ARHGAP19: variants seen among roughly 807,000 people sequenced by gnomAD.
ARHGAP19 encodes the protein Rho GTPase activating protein 19, also known as rho GTPase-activating protein 19.
A neutral mutation model predicts 60.9 loss-of-function variants in ARHGAP19; 48 were observed. That is an observed-to-expected ratio of 0.79 (90% CI 0.62 to 1.00). ARHGAP19 has a LOEUF of 1.00. Among genes scored for constraint, ARHGAP19 ranks in the 50% least tolerant of loss-of-function variants. The pLI is 0.00. For missense variants in ARHGAP19, 562 were observed against 597.2 expected (o/e 0.94, Z 0.61); for synonymous variants, 209 against 215.5 (o/e 0.97, Z 0.27).
chr10:97,270,702 C>A, intron 1 of ARHGAP19: 1 of 1,538,572 alleles, frequency 6.5e-7, no homozygotes, highest in South Asian at 1.2e-5. Context: ...TCTCCTTTCC[C>A]TGCCCCAGCA....
rs756229735 is a variant in ARHGAP19, at chr10:97,265,996, GACC to G, written c.183_185del (p.Val62del). 6 of 1,613,992 alleles carry G rather than the reference GACC, an allele frequency of 3.7e-6. No homozygotes were observed. The highest frequency in any genetic ancestry group is 5.1e-6 in the Non-Finnish European group (6 of 1,180,054). ...AATCGATGAGCCTTGTGATATTGCT[GACC>G]ACCAACTCAGTGAAAATCTCAGGTT... On this transcript the variant is annotated inframe_deletion, in exon 2 of 12. Coordinates refer to ENST00000358531, the MANE Select transcript of ARHGAP19 (RefSeq NM_032900.6).
chr10:97,256,488 T>C (rs1377006203), intron 5 of ARHGAP19, 84 bp from the exon 6 acceptor site: 2 of 1,021,298 alleles, frequency 2.0e-6, no homozygotes, highest in Non-Finnish European at 3.0e-6. Context: ...TTCAAATGTA[T>C]GAAGTTTCTA....
intron 4 of ARHGAP19, among the ~76,000 whole-genome samples, chr10:97,262,198 T>A (rs139678109): frequency 2.3e-4 from 2 of 8,648 alleles, no homozygotes; most frequent in African/African-American, 5.5e-4. Context: ...AAAAAAAAAA[T>A]TTTTTTTTTT....
intron 1 of ARHGAP19, among the ~76,000 whole-genome samples, chr10:97,266,720 CA>C (rs1842903222): frequency 6.6e-6 from 1 of 152,108 alleles, no homozygotes; most frequent in Non-Finnish European, 1.5e-5. Flanking sequence ...GAAAGAGGAA[CA>C]AAGGCACATC....
chr10:97,250,986 C>T (rs1418219941), intron 6 of ARHGAP19, among the ~76,000 whole-genome samples: 2 of 151,128 alleles, frequency 1.3e-5, no homozygotes, highest in Non-Finnish European at 1.5e-5. Context: ...TCGCTTGAGC[C>T]TGGGAAGTCA....
chr10:97,286,826 T>C (rs1317878197), intron 1 of ARHGAP19, among the ~76,000 whole-genome samples: 2 of 152,272 alleles, frequency 1.3e-5, no homozygotes, highest in African/African-American at 4.8e-5. Context: ...CGTATTTCCC[T>C]ACTGCCAATT....
chr10:97,253,766 C>G (rs535252614), intron 6 of ARHGAP19, among the ~76,000 whole-genome samples: 60 of 152,166 alleles, frequency 3.9e-4, no homozygotes, highest in South Asian at 2.1e-4. Flanking sequence ...TAAATATGTA[C>G]AAATATTATG....
intron 5 of ARHGAP19, among the ~76,000 whole-genome samples, chr10:97,259,199 A>G (rs979411489): frequency 1.3e-5 from 2 of 152,228 alleles, no homozygotes; most frequent in African/African-American, 2.4e-5. Flanking sequence ...TAGGTTTACC[A>G]GAGATTGATT....
chr10:97,257,550 C>T (rs1842772942), intron 5 of ARHGAP19, among the ~76,000 whole-genome samples: 1 of 152,140 alleles, frequency 6.6e-6, no homozygotes, highest in Admixed American at 6.5e-5. Flanking sequence ...AAGCAGTCCT[C>T]CTACCTCAGC....
intron 5 of ARHGAP19, among the ~76,000 whole-genome samples, chr10:97,259,142 A>G (rs1455549080): frequency 6.6e-6 from 1 of 152,234 alleles, no homozygotes; most frequent in African/African-American, 2.4e-5. Context: ...TAGTTTATTC[A>G]GTAGTTATAA....
intron 9 of ARHGAP19, among the ~76,000 whole-genome samples, chr10:97,233,523 T>A (rs1851065669): frequency 6.6e-6 from 1 of 152,170 alleles, no homozygotes; most frequent in Non-Finnish European, 1.5e-5. Context: ...GAAGCCATCC[T>A]CAGCAAACTA....
intron 5 of ARHGAP19, among the ~76,000 whole-genome samples, chr10:97,256,873 G>C (rs770136860): frequency 6.6e-5 from 10 of 152,186 alleles, no homozygotes; most frequent in Non-Finnish European, 1.2e-4. Context: ...TGTAATCCCA[G>C]CACTTTGGGA....
chr10:97,253,632 A>G (rs1465687623), intron 6 of ARHGAP19, among the ~76,000 whole-genome samples: 1 of 152,214 alleles, frequency 6.6e-6, no homozygotes, highest in Non-Finnish European at 1.5e-5. Flanking sequence ...AATAACTAGA[A>G]GAGGGGACTT....
At chr10:97,248,433 A>C (rs1463554628) in intron 6 of ARHGAP19, among the ~76,000 whole-genome samples, 1 of 152,130 alleles carries the variant, frequency 6.6e-6, no homozygotes. Flanking sequence ...AAAAAATCTG[A>C]AATTTGTAAT....
chr10:97,291,833 C>T (rs910304717), intron 1 of ARHGAP19, among the ~76,000 whole-genome samples: 1 of 151,922 alleles, frequency 6.6e-6, no homozygotes, highest in African/African-American at 2.4e-5. Flanking sequence ...GGTCTCAAGG[C>T]TAAGGCAACA....
intron 1 of ARHGAP19, among the ~76,000 whole-genome samples, chr10:97,268,693 G>A (rs368475525): frequency 7.9e-5 from 12 of 152,210 alleles, no homozygotes; most frequent in Admixed American, 7.2e-4. Flanking sequence ...CTTATTCACT[G>A]TCAAGAGAAC....
chr10:97,244,841 AT>A (rs1842539642), intron 7 of ARHGAP19, among the ~76,000 whole-genome samples: 1 of 152,070 alleles, frequency 6.6e-6, no homozygotes, highest in African/African-American at 2.4e-5. Context: ...GAACTTGAAA[AT>A]TTTAAGCACT....
chr10:97,237,947 T>C (rs73326813), intron 8 of ARHGAP19, among the ~76,000 whole-genome samples: 3,397 of 152,196 alleles, frequency 0.022, 124 homozygotes, highest in African/African-American at 0.075. Context: ...TATACTTTTA[T>C]CATCATTTAT....
rs752335094 is a variant in ARHGAP19, at chr10:97,292,573, T to A, written c.55A>T (p.Ser19Cys). 10 of 1,613,936 alleles carry A rather than the reference T, an allele frequency of 6.2e-6. No homozygotes were observed. Among genetic ancestry groups the A allele is most frequent in the African/African-American group, 2.7e-5 (2 of 74,878 alleles). Residue 19 changes from serine (S) to cysteine (C), a missense_variant and splice_region_variant, in exon 1 of 12, where the codon AGT (serine) becomes TGT (cysteine). By Grantham distance (112) the Ser-to-Cys change is moderately radical (BLOSUM62 -1). Coordinates refer to ENST00000358531, the MANE Select transcript of ARHGAP19 (RefSeq NM_032900.6). ...GAAACTGGACCAAACTCAGCTCACC[T>A]CCGGCCGGATTCGCGGGCTGGCACC... ...GEVPARESGR[S>C]DAICSFVICN...
Sources: allele counts gnomAD v4.1 joint callset (sites outside exome capture counted in the v4.1 genomes callset), GRCh38; gene constraint gnomAD v4.1.1; transcripts MANE v1.5; gene names NCBI Gene and HGNC (gene_info 2026-07-23, HGNC 2026-07-21).